Variants in SRGAP3 observed in about 807,000 individuals in gnomAD.
The protein encoded by SRGAP3 is SLIT-ROBO Rho GTPase activating protein 3, also known as SLIT-ROBO Rho GTPase-activating protein 3.
Under a neutral mutation model 121.1 loss-of-function variants are expected in SRGAP3, and 39 were observed. The observed-to-expected ratio is 0.32, with a 90% CI of 0.25 to 0.42. SRGAP3 has a LOEUF of 0.42. Ranked by LOEUF, SRGAP3 falls within the 10% of genes least tolerant of loss-of-function variation. The pLI is 1.00. For missense variants in SRGAP3, 1,213 were observed against 1,470.6 expected, an observed-to-expected ratio of 0.82 and a Z score of 2.86; for synonymous variants, 601 against 570.0, an observed-to-expected ratio of 1.05 and a Z score of -0.77.
intron 1 of SRGAP3, among the ~76,000 whole-genome samples, chr3:9,224,925 G>A (rs145756319): frequency 3.9e-5 from 6 of 152,290 alleles, no homozygotes; most frequent in Non-Finnish European, 5.9e-5. Context: ...GTCAAACAGC[G>A]TGGAAGTCTA....
At chr3:9,270,865 C>T (rs1310326553) in intron 3 of SRGAP3, among the ~76,000 whole-genome samples, 1 of 151,960 alleles carries the variant, frequency 6.6e-6, no homozygotes, top group African/African-American at 2.4e-5. Context: ...TGCTGCCTTT[C>T]CCGGAAATGC....
chr3:8,985,910 G>A lies in SRGAP3; in HGVS notation c.2909C>T (p.Thr970Met). The A allele has an allele frequency of 1.3e-6, 2 of 1,599,728 alleles. No homozygotes were observed. The highest frequency in any genetic ancestry group is 1.7e-6 in the Non-Finnish European group (2 of 1,179,930). The change falls in exon 22 of 22, where the codon ACG becomes ATG. Residue 970 changes from threonine (T) to methionine (M), a missense_variant. Thr to Met is a moderately conservative substitution (Grantham distance 81, BLOSUM62 -1). Around this residue, in one of 2 missense-constraint regions of SRGAP3, gnomAD observed 420 missense variants for 437.7 expected, o/e 0.96. Coordinates refer to ENST00000383836, the MANE Select transcript of SRGAP3 (RefSeq NM_014850.4). The surrounding 1 kb of genome is among the most constrained non-coding windows in gnomAD (Gnocchi z 5.1). ...GAGTTCCCGCAACTCGTGCAGAGCC[G>A]TGCTCATGGTCTTCTCGATGTCCTG... The part of the protein sequence containing the change: ...LAEDIEKTMS[T>M]ALHELRELER...
intron 3 of SRGAP3, among the ~76,000 whole-genome samples, chr3:9,275,664 T>C (rs1954559386): frequency 6.6e-6 from 1 of 152,200 alleles, no homozygotes; most frequent in Non-Finnish European, 1.5e-5. Flanking sequence ...CCCCTTTCAC[T>C]TGGCTCTCAT....
At chr3:9,142,837 T>TTTTTTTTC (rs1949903945) in intron 1 of SRGAP3, among the ~76,000 whole-genome samples, 1 of 137,758 alleles carries the variant, frequency 7.3e-6, no homozygotes, top group South Asian at 2.5e-4. Flanking sequence ...TCCTTTTTTT[T>TTTTTTTTC]TTTTTTTTTT....
At chr3:9,349,296 CTT>C in intron 1 of SRGAP3, 1 of 437,452 alleles carries the variant, frequency 2.3e-6, no homozygotes, top group Non-Finnish European at 4.3e-6. Context: ...CTGTAGGCAT[CTT>C]GAGCTGTAGC....
At chr3:9,206,630 A>G (rs910051287) in intron 1 of SRGAP3, among the ~76,000 whole-genome samples, 2 of 152,160 alleles carry the variant, frequency 1.3e-5, no homozygotes, top group African/African-American at 4.8e-5. Context: ...GCCATGGCAC[A>G]TGCTGTTTCT....
At chr3:9,183,938 G>A (rs537425068) in intron 1 of SRGAP3, among the ~76,000 whole-genome samples, 2 of 152,012 alleles carry the variant, frequency 1.3e-5, no homozygotes, top group South Asian at 2.1e-4. Flanking sequence ...TTGTAGCAGC[G>A]ACTCCAGCCC....
intron 3 of SRGAP3, among the ~76,000 whole-genome samples, chr3:9,102,489 G>A (rs1948255262): frequency 6.6e-6 from 1 of 152,232 alleles, no homozygotes. Flanking sequence ...AGGATCCCCA[G>A]TCTGACCAGA....
intron 1 of SRGAP3, among the ~76,000 whole-genome samples, chr3:9,173,365 C>G (rs1449006980): frequency 6.6e-6 from 1 of 152,200 alleles, no homozygotes; most frequent in African/African-American, 2.4e-5. Flanking sequence ...AAAGCACTAC[C>G]CTCCTTCAGG....
chr3:9,069,853 A>C (rs1946617031), intron 4 of SRGAP3, among the ~76,000 whole-genome samples: 1 of 152,220 alleles, frequency 6.6e-6, no homozygotes, highest in Non-Finnish European at 1.5e-5. Flanking sequence ...AGGCTGAGGC[A>C]GGAGAATAGC....
Position 9,130,796 on chromosome 3 carries a change from A to C in SRGAP3, c.68-5879T>G, listed in dbSNP as rs142090331. 3.7e-3 allele frequency among the ~76,000 whole-genome samples: 571 copies of C among 152,386 alleles called. 4 individuals carry two copies. The highest frequency in any genetic ancestry group is 6.5e-3 in the Non-Finnish European group (445 of 68,040). On this transcript the variant is annotated intron_variant, in intron 1 of 21. Coordinates refer to ENST00000383836, the MANE Select transcript of SRGAP3 (RefSeq NM_014850.4). ...TATTTATTAGAAAAGCTGCAGCCAC[A>C]GCCTTCCTCATTACAGAGCATTATC...
chr3:9,228,878 T>C (rs2648531), intron 1 of SRGAP3, among the ~76,000 whole-genome samples: 109,428 of 149,390 alleles, frequency 0.73, 40,148 homozygotes, highest in South Asian at 0.81. Context: ...CTGGCTAACA[T>C]GGTGAAACCC....
At chr3:9,354,356 T>C (rs1217336995) in intron 1 of SRGAP3, among the ~76,000 whole-genome samples, 1 of 152,172 alleles carries the variant, frequency 6.6e-6, no homozygotes, top group Non-Finnish European at 1.5e-5. Context: ...GCTATCTGAC[T>C]TTCTACCCAG....
intron 3 of SRGAP3, among the ~76,000 whole-genome samples, chr3:9,294,339 A>T (rs1954915863): frequency 6.6e-6 from 1 of 152,204 alleles, no homozygotes. Context: ...ACATGGTCAC[A>T]TAGAGGGAAA....
In SRGAP3 at chr3:9,077,938, T is replaced by C. The variant is rs1017256707; in HGVS notation, c.486+2087A>G. On this transcript the variant is annotated intron_variant, in intron 4 of 21. Coordinates refer to ENST00000383836, the MANE Select transcript of SRGAP3 (RefSeq NM_014850.4). ...GGTTCAAATGGAGCCTTTGGGCCTT[T>C]CATGCAGTGTTTCTCAGCCAAGACC... Among the ~76,000 whole-genome samples, 5 of 152,200 alleles carry C rather than the reference T, an allele frequency of 3.3e-5. No individual in the cohort carries two copies. The South Asian group carries it at 6.2e-4, about 19-fold the overall frequency.
At chr3:9,163,728 T>G (rs532858116) in intron 1 of SRGAP3, among the ~76,000 whole-genome samples, 1 of 152,242 alleles carries the variant, frequency 6.6e-6, no homozygotes, top group African/African-American at 2.4e-5. Flanking sequence ...AAATAAGGCC[T>G]CTGCACAGTC....
In SRGAP3 at chr3:9,352,255, C is replaced by T. The variant is rs76509259; in HGVS notation, n.214+10585G>A. On this transcript the variant is annotated intron_variant and non_coding_transcript_variant, in intron 1 of 3. Transcript: ENST00000490889. ...AAAATAAAACTCTCCCCTTTTCCTC[C>T]ACAGATGTTATGGACATTTTTTTTT... Among the ~76,000 whole-genome samples, 1,474 of 151,480 alleles carry T rather than the reference C, an allele frequency of 9.7e-3. 21 individuals are homozygous for T. The highest frequency in any genetic ancestry group is 0.034 in the African/African-American group (1,375 of 41,042).
chr3:9,274,512 G>A (rs1181351475), intron 3 of SRGAP3, among the ~76,000 whole-genome samples: 1 of 152,206 alleles, frequency 6.6e-6, no homozygotes, highest in East Asian at 1.9e-4. Flanking sequence ...GGAAGTGCCT[G>A]TGACCCCTGA....
At chr3:9,123,870 C>T (rs1949119950) in intron 2 of SRGAP3, among the ~76,000 whole-genome samples, 2 of 151,456 alleles carry the variant, frequency 1.3e-5, no homozygotes, top group African/African-American at 2.4e-5. Flanking sequence ...TAAAGCAAGT[C>T]GCTGATCTCC....
Sources: allele counts gnomAD v4.1 joint callset (sites outside exome capture counted in the v4.1 genomes callset), GRCh38; gene constraint gnomAD v4.1.1; regional missense constraint gnomAD v4.1.1; non-coding constraint Gnocchi (gnomAD v3.1); transcripts MANE v1.5; gene names NCBI Gene and HGNC (gene_info 2026-07-23, HGNC 2026-07-21).